The following MTBP variants were observed in gnomAD, a reference collection of about 807,000 sequenced individuals.
MTBP encodes the protein mdm2-binding protein.
In MTBP, 101 loss-of-function variants were observed where a neutral mutation model predicts 117.0. The observed-to-expected ratio is 0.86, with a 90% confidence interval of 0.73 to 1.02. The LOEUF is 1.02. Ranked by LOEUF, MTBP falls within the 50% of genes least tolerant of loss-of-function variation. MTBP has a pLI of 0.00. For missense variants in MTBP, 970 were observed against 1,030.9 expected (o/e 0.94, Z 0.81); for synonymous variants, 350 against 351.5 (o/e 1.00, Z 0.05).
At chr8:120,507,684 G>A (rs926761489) in intron 16 of MTBP, among the ~76,000 whole-genome samples, 11 of 152,014 alleles carry the variant, frequency 7.2e-5, no homozygotes, top group Admixed American at 7.2e-4. Context: ...AATATTGCTG[G>A]AACATTATTG....
chr8:120,476,319 G>A (rs963527332), intron 11 of MTBP, among the ~76,000 whole-genome samples: 6 of 152,042 alleles, frequency 3.9e-5, no homozygotes. Context: ...GGCAAAACCT[G>A]GAAGGATTCC....
intron 13 of MTBP, chr8:120,490,851 G>T (rs1814329482): frequency 1.4e-5 from 3 of 219,264 alleles, no homozygotes; most frequent in South Asian, 1.2e-4. Flanking sequence ...GCTAGAGAAG[G>T]TATGTAAGTT....
intron 2 of MTBP, among the ~76,000 whole-genome samples, chr8:120,447,136 C>T (rs886526648): frequency 2.6e-5 from 4 of 152,070 alleles, no homozygotes; most frequent in African/African-American, 7.2e-5. Flanking sequence ...GTCCTTTAAA[C>T]GTTCTGAAAA....
intron 18 of MTBP, 56 bp downstream of exon 18, chr8:120,516,247 G>C: frequency 1.4e-6 from 2 of 1,380,232 alleles, no homozygotes; most frequent in Non-Finnish European, 1.9e-6. Flanking sequence ...TTAGTCTCGA[G>C]GATTTTTATT....
At chr8:120,514,114 T>A (rs1053007786) in intron 17 of MTBP, among the ~76,000 whole-genome samples, 11 of 151,726 alleles carry the variant, frequency 7.2e-5, no homozygotes, top group Admixed American at 1.3e-4. Context: ...TTAATTTTAA[T>A]ATAATAAGAT....
chr8:120,449,964 T>C (rs1813303355), intron 2 of MTBP, among the ~76,000 whole-genome samples: 1 of 152,318 alleles, frequency 6.6e-6, no homozygotes, highest in South Asian at 2.1e-4. Flanking sequence ...GTGTGGACAG[T>C]ACCTTCAGAA....
Position 120,509,928 on chromosome 8 carries a change from T to G in MTBP, c.1884-6T>G. On this transcript the variant is annotated splice_region_variant and splice_polypyrimidine_tract_variant and intron_variant, in intron 16 of 21. Coordinates refer to ENST00000305949, the MANE Select transcript of MTBP (RefSeq NM_022045.5). ...TTGAATACAAATGAAAAATTTTTTGTTTCAGGGAAAAGACTTTTGTTTTGA... is the reference window on the plus strand; with the variant it reads ...TTGAATACAAATGAAAAATTTTTTGGTTCAGGGAAAAGACTTTTGTTTTGA... 6.3e-7 allele frequency: 1 copy of G among 1,599,872 alleles called. No homozygotes were observed. Among genetic ancestry groups the G allele is most frequent in the Non-Finnish European group, 8.5e-7 (1 of 1,174,234 alleles).
chr8:120,511,916 TG>T (rs1814817894), intron 17 of MTBP, among the ~76,000 whole-genome samples: 1 of 152,148 alleles, frequency 6.6e-6, no homozygotes, highest in Non-Finnish European at 1.5e-5. Context: ...TATAAAATAT[TG>T]ACTCTGCTAT....
In MTBP at chr8:120,451,093, G is replaced by A. The variant is rs764211657; in HGVS notation, c.273+17G>A. On this transcript the variant is annotated intron_variant, in intron 3 of 21. Coordinates refer to ENST00000305949, the MANE Select transcript of MTBP (RefSeq NM_022045.5). ...TTTTATCAGGTAATATAAATTTAAA[G>A]ATAGCTACTAATGAATGTCTTTACT... 1 of 1,596,750 alleles carries A rather than the reference G, an allele frequency of 6.3e-7. No homozygotes were observed.
intron 17 of MTBP, among the ~76,000 whole-genome samples, chr8:120,514,031 C>T (rs1020774482): frequency 6.6e-6 from 1 of 150,580 alleles, no homozygotes; most frequent in African/African-American, 2.4e-5. Context: ...AGAGATTTTT[C>T]AGTCCTAGTT....
intron 17 of MTBP, among the ~76,000 whole-genome samples, chr8:120,514,658 T>C (rs370795682): frequency 2.0e-5 from 3 of 152,068 alleles, no homozygotes; most frequent in East Asian, 3.8e-4. Flanking sequence ...ACATTCTGGC[T>C]GTGCTACATA....
At chr8:120,471,224 A>G (rs949885866) in intron 11 of MTBP, 1 of 221,948 alleles carries the variant, frequency 4.5e-6, no homozygotes, top group Non-Finnish European at 8.7e-6. Context: ...TCAGGAATCA[A>G]ATTTGTGAAA....
intron 19 of MTBP, 44 bp from the exon 20 acceptor site, chr8:120,518,660 G>T (rs757062012): frequency 7.6e-7 from 1 of 1,315,564 alleles, no homozygotes; most frequent in Non-Finnish European, 1.1e-6. Context: ...ATAGGTTTGT[G>T]CCTTTTCCAA....
intron 11 of MTBP, among the ~76,000 whole-genome samples, chr8:120,475,152 T>C (rs1014825916): frequency 1.3e-4 from 20 of 151,958 alleles, no homozygotes; most frequent in African/African-American, 4.8e-4. Context: ...TTCCTAATTT[T>C]TTCAGGTCTT....
In MTBP at chr8:120,506,849, C is replaced by T. The variant is rs749696367; in HGVS notation, c.1871C>T (p.Pro624Leu). The stretch of plus-strand genomic sequence containing the variant: ...CCCATTGGAGATCTTCAACCTTTAC[C>T]GATTCAAAAGGGGTAGGTTATAAAC... ...GLPIGDLQPL[P>L]IQKGEKTFVL... is the part of the protein sequence containing the mutation. The change falls in exon 16 of 22, where the codon CCG (proline) becomes CTG (leucine). Residue 624 changes from proline (P) to leucine (L), a missense_variant. Coordinates refer to ENST00000305949, the MANE Select transcript of MTBP (RefSeq NM_022045.5). The T allele has an allele frequency of 9.3e-6, 15 of 1,605,042 alleles. No homozygotes were observed. The highest frequency in any genetic ancestry group is 4.5e-5 in the South Asian group (4 of 88,900).
chr8:120,498,179 G>C (rs1439816703), intron 14 of MTBP, among the ~76,000 whole-genome samples: 1 of 152,038 alleles, frequency 6.6e-6, no homozygotes, highest in Non-Finnish European at 1.5e-5. Context: ...TCAACTCTTT[G>C]CCTGTTTCGT....
chr8:120,471,022 A>G, intron 11 of MTBP, 85 bp downstream of exon 11: 2 of 921,450 alleles, frequency 2.2e-6, no homozygotes, highest in Non-Finnish European at 3.3e-6. Flanking sequence ...ACATTTCTAT[A>G]TGAGAAAACA....
In MTBP at chr8:120,455,599, T is replaced by G. The variant is rs1315199448; in HGVS notation, c.629+20T>G. 5 of 1,600,532 alleles carry G rather than the reference T, an allele frequency of 3.1e-6. No individual in the cohort carries two copies. The highest frequency in any genetic ancestry group is 4.3e-6 in the Non-Finnish European group (5 of 1,175,380). On this transcript the variant is annotated intron_variant, in intron 6 of 21. Transcript: ENST00000305949. ...TGAAATGTAAGCTTCTTTGTTCATA[T>G]TTGATTATTGTCTGCCTTGTCTGTT...
intron 14 of MTBP, 138 bp from the exon 15 acceptor site, chr8:120,502,354 A>G (rs1463587570): frequency 6.3e-6 from 3 of 478,706 alleles, no homozygotes; most frequent in Non-Finnish European, 1.1e-5. Context: ...GAGGTCTTTA[A>G]TAAATGCCTA....
Sources: gnomAD v4.1 joint callset for allele counts (sites outside exome capture counted in the v4.1 genomes callset) on GRCh38, gnomAD v4.1.1 for gene constraint, MANE v1.5 for transcripts, NCBI Gene and HGNC (gene_info 2026-07-23, HGNC 2026-07-21) for gene names.